Variants in OSTC observed in about 807,000 individuals in gnomAD.
OSTC encodes oligosaccharyltransferase complex subunit OSTC.
OSTC carries 16 observed loss-of-function variants against 16.4 expected under a neutral mutation model. That is an observed-to-expected ratio of 0.98 (90% CI 0.66 to 1.49). The LOEUF (loss-of-function observed/expected upper bound fraction) is 1.49, where lower values mean the gene tolerates loss of function less well. Among genes scored for constraint, OSTC ranks in the 40% most tolerant of loss-of-function variants. OSTC has a pLI of 0.00. For missense variants in OSTC, 139 were observed against 186.3 expected (o/e 0.75, Z 1.48); for synonymous variants, 67 against 68.5 (o/e 0.98, Z 0.11).
At chr4:108,656,623 G>A (rs1287576900) in intron 2 of OSTC, among the ~76,000 whole-genome samples, 1 of 152,018 alleles carries the variant, frequency 6.6e-6, no homozygotes, top group Non-Finnish European at 1.5e-5. Context: ...AGAGGGGTTT[G>A]TAGTTCACTG....
intron 3 of OSTC, among the ~76,000 whole-genome samples, chr4:108,665,644 C>G (rs1425037143): frequency 6.6e-6 from 1 of 151,534 alleles, no homozygotes; most frequent in Non-Finnish European, 1.5e-5. Flanking sequence ...ACTGCAACCT[C>G]CACCTCCTGG....
chr4:108,665,732 G>A (rs1726979943), intron 3 of OSTC, among the ~76,000 whole-genome samples: 1 of 151,710 alleles, frequency 6.6e-6, no homozygotes, highest in Admixed American at 6.6e-5. Context: ...GCTAATTTTT[G>A]TAGTTTTAGT....
chr4:108,663,770 A>G (rs902173847), intron 3 of OSTC, among the ~76,000 whole-genome samples: 2 of 152,230 alleles, frequency 1.3e-5, no homozygotes, highest in Non-Finnish European at 2.9e-5. Flanking sequence ...AGAAGCTTCT[A>G]TTAGTGCTAA....
At chr4:108,664,305 A>G (rs1726938376) in intron 3 of OSTC, among the ~76,000 whole-genome samples, 1 of 150,420 alleles carries the variant, frequency 6.6e-6, no homozygotes, top group South Asian at 2.1e-4. Flanking sequence ...ATTAAGAGAT[A>G]GAGTACAAAG....
chr4:108,657,267 A>G (rs1726734288), intron 2 of OSTC, among the ~76,000 whole-genome samples, 183 bp from the exon 3 acceptor site: 1 of 152,312 alleles, frequency 6.6e-6, no homozygotes. Flanking sequence ...GCTACCTAAT[A>G]GACTCAATAA....
chr4:108,663,570 T>C (rs1228424093), intron 3 of OSTC, among the ~76,000 whole-genome samples: 2 of 152,196 alleles, frequency 1.3e-5, no homozygotes, highest in Non-Finnish European at 2.9e-5. Flanking sequence ...TTGGAGTGGG[T>C]AGTAGACCAG....
chr4:108,665,568 T>TG (rs1250953208), intron 3 of OSTC, among the ~76,000 whole-genome samples: 9 of 151,004 alleles, frequency 6.0e-5, no homozygotes, highest in African/African-American at 2.2e-4. Context: ...TTTTCTTTTT[T>TG]TTTTTTTTGA....
rs143757546 is a variant in OSTC, at chr4:108,667,118, G to A, written c.432-129G>A. ...AATAAGGACCATAATAAAGAATCACGCAATTATATTTTTGGATTGTTATTT... is the reference window on the plus strand; with the variant it reads ...AATAAGGACCATAATAAAGAATCACACAATTATATTTTTGGATTGTTATTT... On this transcript the variant is annotated intron_variant, in intron 3 of 3. Coordinates refer to ENST00000361564, the MANE Select transcript of OSTC (RefSeq NM_021227.4). 6.6e-4 allele frequency: 439 copies of A among 667,768 alleles called. 2 individuals carry two copies. The Middle Eastern group carries it at 6.8e-3, about 10-fold the overall frequency. The allele number at this position is 667,768 out of a possible 1,614,324, so 41.4% of individuals were successfully genotyped here. A position where few individuals can be genotyped will look rare whatever the true frequency, so the allele number is the denominator to read the frequency against.
chr4:108,657,430 G>T lies in OSTC; in HGVS notation c.234-20G>T, dbSNP rs778855171. The T allele has an allele frequency of 3.8e-6, 6 of 1,581,532 alleles. No homozygotes were observed. Among genetic ancestry groups the T allele is most frequent in the Non-Finnish European group, 4.3e-6 (5 of 1,154,374 alleles). The stretch of plus-strand genomic sequence containing the variant: ...CATTTCTATTTGTTATCTTTCTATG[G>T]TCATTCTTTTCTTTTCCAGAGTAAA... On this transcript the variant is annotated intron_variant, in intron 2 of 3. Coordinates refer to ENST00000361564, the MANE Select transcript of OSTC (RefSeq NM_021227.4).
At chr4:108,654,006 T>G (rs530304624) in intron 1 of OSTC, among the ~76,000 whole-genome samples, 3 of 152,258 alleles carry the variant, frequency 2.0e-5, no homozygotes, top group Admixed American at 1.3e-4. Context: ...TTAGTTCTTT[T>G]ATAAAAGAAG....
chr4:108,666,692 CAA>C (rs1560626514), intron 3 of OSTC, among the ~76,000 whole-genome samples: 1 of 111,842 alleles, frequency 8.9e-6, no homozygotes, highest in East Asian at 2.7e-4. Flanking sequence ...GCCTGGGCAA[CAA>C]GAGCAAAACT....
intron 3 of OSTC, among the ~76,000 whole-genome samples, chr4:108,665,562 CTT>C (rs56227378): frequency 0.6 from 80,597 of 134,164 alleles, 25,039 homozygotes; most frequent in South Asian, 0.78. Context: ...TTTGTTTTTT[CTT>C]TTTTTTTTTT....
At chr4:108,655,725 A>G (rs1726683260) in intron 2 of OSTC, 68 bp downstream of exon 2, 1 of 1,131,996 alleles carries the variant, frequency 8.8e-7, no homozygotes, top group Non-Finnish European at 1.3e-6. Context: ...CCACTTATTT[A>G]AAAATAGAGT....
chr4:108,655,433 T>A (rs895976862), intron 1 of OSTC, 131 bp from the exon 2 acceptor site: 8 of 548,406 alleles, frequency 1.5e-5, no homozygotes, highest in African/African-American at 2.0e-5. Context: ...GCCACTGCAC[T>A]CTCAACCTGG....
chr4:108,660,635 C>G (rs887899963), intron 3 of OSTC, among the ~76,000 whole-genome samples: 2 of 152,102 alleles, frequency 1.3e-5, no homozygotes, highest in African/African-American at 4.8e-5. Context: ...ACACCAATAG[C>G]CACTGGTTTT....
At chr4:108,657,014 C>T (rs1231315660) in intron 2 of OSTC, among the ~76,000 whole-genome samples, 1 of 151,708 alleles carries the variant, frequency 6.6e-6, no homozygotes, top group Non-Finnish European at 1.5e-5. Flanking sequence ...TTGCAGTGAG[C>T]CGAGATCGTG....
At chr4:108,655,443 G>T in intron 1 of OSTC, 121 bp from the exon 2 acceptor site, 1 of 576,178 alleles carries the variant, frequency 1.7e-6, no homozygotes. Context: ...TCTCAACCTG[G>T]GCGACAGAGT....
chr4:108,661,953 A>C (rs1409483466), intron 3 of OSTC, among the ~76,000 whole-genome samples: 1 of 152,212 alleles, frequency 6.6e-6, no homozygotes, highest in Non-Finnish European at 1.5e-5. Flanking sequence ...GTGGCGTGGT[A>C]ATGCCCTAAA....
intron 3 of OSTC, among the ~76,000 whole-genome samples, chr4:108,660,897 C>T (rs1726839331): frequency 6.6e-6 from 1 of 152,078 alleles, no homozygotes; most frequent in African/African-American, 2.4e-5. Context: ...TATTTGATGT[C>T]TTGAGTTTTG....
Sources: allele counts gnomAD v4.1 joint callset (sites outside exome capture counted in the v4.1 genomes callset), GRCh38; gene constraint gnomAD v4.1.1; transcripts MANE v1.5; gene names NCBI Gene and HGNC (gene_info 2026-07-23, HGNC 2026-07-21).